Variants in PTPRN2 observed in about 807,000 individuals in gnomAD.
The protein encoded by PTPRN2 is protein tyrosine phosphatase receptor type N2, also known as receptor-type tyrosine-protein phosphatase N2.
In PTPRN2, 74 loss-of-function variants were observed where a neutral mutation model predicts 118.8. That is an observed-to-expected ratio of 0.62 (90% CI 0.52 to 0.76). The LOEUF (loss-of-function observed/expected upper bound fraction) is 0.76, where lower values mean the gene tolerates loss of function less well. Ranked by LOEUF, PTPRN2 falls within the 30% of genes least tolerant of loss-of-function variation. The probability of loss-of-function intolerance (pLI) is 0.00; values close to 1 mark genes in which losing one functional copy is unlikely to be tolerated. For synonymous variants in PTPRN2, 641 were observed against 608.0 expected, an observed-to-expected ratio of 1.05 and a Z score of -0.80; for missense variants, 1,481 against 1,394.4, an observed-to-expected ratio of 1.06 and a Z score of -0.99.
At chr7:158,275,223 G>T (rs1342193026) in intron 3 of PTPRN2, among the ~76,000 whole-genome samples, 1 of 152,124 alleles carries the variant, frequency 6.6e-6, no homozygotes, top group Non-Finnish European at 1.5e-5. Context: ...GCGCCTCGGG[G>T]CCACAGAGAC....
chr7:158,434,123 C>T (rs956520058), intron 2 of PTPRN2, among the ~76,000 whole-genome samples: 3 of 152,066 alleles, frequency 2.0e-5, no homozygotes, highest in African/African-American at 7.2e-5. Context: ...AATAGATGGT[C>T]ATTTTCAATA....
chr7:158,042,618 A>C (rs1403640973), intron 11 of PTPRN2, among the ~76,000 whole-genome samples: 1 of 152,160 alleles, frequency 6.6e-6, no homozygotes, highest in Non-Finnish European at 1.5e-5. Flanking sequence ...TGCTGCTGGT[A>C]TCCTGCCTGC....
chr7:157,627,046 C>T lies in PTPRN2; in HGVS notation c.2197-5537G>A, dbSNP rs550072317. On this transcript the variant is annotated intron_variant, in intron 14 of 22. Coordinates refer to ENST00000389418, the MANE Select transcript of PTPRN2 (RefSeq NM_002847.5). This position sits in a 1 kb window ranked among gnomAD's most constrained non-coding sequence, Gnocchi z 4.2. ...CAACAGTTCAGAGAGCTCTTCTCTA[C>T]AAGTCTCCTCCACAACTCTTCTCCT... 9.8e-5 allele frequency among the ~76,000 whole-genome samples: 15 copies of T among 152,366 alleles called. No homozygotes were observed. The South Asian group carries it at 3.1e-3, about 32-fold the overall frequency.
chr7:158,326,320 C>T (rs772834699), intron 2 of PTPRN2, among the ~76,000 whole-genome samples: 1 of 152,232 alleles, frequency 6.6e-6, no homozygotes, highest in African/African-American at 2.4e-5. Flanking sequence ...GTTCTTCATC[C>T]GAGACATCGC....
chr7:157,561,935 C>A (rs1799213010), intron 21 of PTPRN2, among the ~76,000 whole-genome samples: 1 of 152,232 alleles, frequency 6.6e-6, no homozygotes, highest in Non-Finnish European at 1.5e-5. Flanking sequence ...CGCTGCCCTG[C>A]CATCAGCTGG....
intron 3 of PTPRN2, among the ~76,000 whole-genome samples, chr7:158,215,998 A>G (rs1040550891): frequency 6.6e-6 from 1 of 152,132 alleles, no homozygotes; most frequent in African/African-American, 2.4e-5. Flanking sequence ...TTTATGCTTG[A>G]CAGTTCAATT....
intron 13 of PTPRN2, among the ~76,000 whole-genome samples, chr7:157,662,432 C>A (rs1046969613): frequency 1.3e-5 from 2 of 152,212 alleles, no homozygotes; most frequent in African/African-American, 4.8e-5. Context: ...AGCACTCCCA[C>A]GCCACCCAGA....
At chr7:157,704,105 C>A (rs1046739637) in intron 12 of PTPRN2, among the ~76,000 whole-genome samples, 4 of 152,156 alleles carry the variant, frequency 2.6e-5, no homozygotes, top group Non-Finnish European at 5.9e-5. Context: ...TCTACTCACA[C>A]GATTGGGTGC....
rs1585734602 is a variant in PTPRN2 at position 158,172,214 on chromosome 7, G to C, written c.550-4923C>G. Among the ~76,000 whole-genome samples the C allele has an allele frequency of 2.0e-5, 3 of 152,266 alleles. No individual in the cohort carries two copies. In the South Asian group the frequency reaches 6.2e-4, roughly 32 times the overall value. ...AGTTCTGTGTAACTTGTGTAAGTTT[G>C]GACCAGTTATCTAACCTCTTGAAGT... is the stretch of plus-strand genomic sequence containing the variant. On this transcript the variant is annotated intron_variant, in intron 5 of 22. Coordinates refer to ENST00000389418, the MANE Select transcript of PTPRN2 (RefSeq NM_002847.5).
intron 12 of PTPRN2, among the ~76,000 whole-genome samples, chr7:157,815,373 C>T (rs79056718): frequency 0.024 from 3,632 of 152,296 alleles, 169 homozygotes; most frequent in African/African-American, 0.083. Context: ...TAGGCCTCCG[C>T]GCATCAGTGT....
intron 1 of PTPRN2, among the ~76,000 whole-genome samples, chr7:158,551,065 C>T (rs777745787): frequency 6.6e-6 from 1 of 152,236 alleles, no homozygotes; most frequent in Non-Finnish European, 1.5e-5. Flanking sequence ...GCATCCGCAC[C>T]AGCTGCTGTG....
chr7:158,473,754 A>G (rs1476201), intron 2 of PTPRN2, among the ~76,000 whole-genome samples: 125,919 of 152,130 alleles, frequency 0.83, 52,229 homozygotes, highest in Middle Eastern at 0.86. Flanking sequence ...TCTAACAGTC[A>G]ACCATGATAG....
chr7:157,846,998 A>G (rs1490018331), intron 12 of PTPRN2, among the ~76,000 whole-genome samples: 15 of 118,492 alleles, frequency 1.3e-4, no homozygotes, highest in South Asian at 3.1e-4. Flanking sequence ...ATGTGTGGCC[A>G]ATGTTTACAG....
intron 12 of PTPRN2, among the ~76,000 whole-genome samples, chr7:157,714,088 G>A (rs1030160230): frequency 2.0e-5 from 3 of 152,178 alleles, no homozygotes; most frequent in Non-Finnish European, 4.4e-5. Flanking sequence ...TCTTATTCTT[G>A]CTGACTATAT....
intron 3 of PTPRN2, among the ~76,000 whole-genome samples, chr7:158,246,283 T>C (rs1415069763): frequency 6.6e-6 from 1 of 151,530 alleles, no homozygotes; most frequent in Non-Finnish European, 1.5e-5. Flanking sequence ...GAAAAATCCA[T>C]GTTATGGAAA....
chr7:157,924,974 T>C (rs1215645943), intron 11 of PTPRN2, among the ~76,000 whole-genome samples: 11 of 53,456 alleles, frequency 2.1e-4, no homozygotes, highest in Non-Finnish European at 3.2e-4. Context: ...GGCACCTGCA[T>C]TTAGCACATC....
At chr7:158,151,741 C>G (rs958950012) in intron 6 of PTPRN2, among the ~76,000 whole-genome samples, 18 of 152,278 alleles carry the variant, frequency 1.2e-4, no homozygotes, top group Admixed American at 2.6e-4. Context: ...TGCATTCTTT[C>G]CTTCCTTCCT....
intron 11 of PTPRN2, among the ~76,000 whole-genome samples, chr7:157,949,906 C>T (rs943599077): frequency 1.3e-5 from 2 of 152,186 alleles, no homozygotes; most frequent in African/African-American, 4.8e-5. Flanking sequence ...TCTCCTCAAA[C>T]AATTCAGGCT....
intron 3 of PTPRN2, among the ~76,000 whole-genome samples, chr7:158,239,333 C>T (rs7791636): frequency 0.57 from 86,916 of 152,026 alleles, 25,470 homozygotes; most frequent in African/African-American, 0.65. Flanking sequence ...ACTCTCAGAC[C>T]ACGTTCAAGT....
Sources: allele counts gnomAD v4.1 joint callset (sites outside exome capture counted in the v4.1 genomes callset), GRCh38; gene constraint gnomAD v4.1.1; non-coding constraint Gnocchi (gnomAD v3.1); transcripts MANE v1.5; gene names NCBI Gene and HGNC (gene_info 2026-07-23, HGNC 2026-07-21).